Variants in SYN3 observed in about 807,000 individuals in gnomAD.
The protein encoded by SYN3 is synapsin-3.
In SYN3, 35 loss-of-function variants were observed where a neutral mutation model predicts 65.8. The observed-to-expected ratio is 0.53, with a 90% CI of 0.41 to 0.70. The LOEUF is 0.70. SYN3 is among the 30% of genes least tolerant of loss of function. The probability of loss-of-function intolerance (pLI) is 0.00; values close to 1 mark genes in which losing one functional copy is unlikely to be tolerated. For missense variants in SYN3, 680 were observed against 749.0 expected (o/e 0.91, Z 1.08); for synonymous variants, 270 against 292.9 (o/e 0.92, Z 0.80).
intron 12 of SYN3, among the ~76,000 whole-genome samples, chr22:32,522,249 C>T (rs752378768): frequency 6.6e-6 from 1 of 152,126 alleles, no homozygotes; most frequent in Admixed American, 6.5e-5. Flanking sequence ...TTAATCTGAG[C>T]GTTAATTCAC....
At chr22:32,643,709 G>C (rs1038744464) in intron 6 of SYN3, among the ~76,000 whole-genome samples, 2 of 151,984 alleles carry the variant, frequency 1.3e-5, no homozygotes, top group African/African-American at 4.8e-5. Context: ...ATTTGACCTT[G>C]AGTTTAGCCT....
intron 6 of SYN3, among the ~76,000 whole-genome samples, chr22:32,707,764 G>A (rs1303588418): frequency 6.6e-6 from 1 of 152,136 alleles, no homozygotes; most frequent in Non-Finnish European, 1.5e-5. Flanking sequence ...TCTAGACAAT[G>A]CCTTAAGCCC....
At chr22:32,569,571 C>CTCTATATATATATA (rs1205661126) in intron 7 of SYN3, among the ~76,000 whole-genome samples, 1 of 90,930 alleles carries the variant, frequency 1.1e-5, no homozygotes, top group African/African-American at 3.7e-5. Flanking sequence ...CTCTCTCTCT[C>CTCTATATATATATA]TATATATATA....
chr22:33,040,141 T>C (rs2053936664), intron 1 of SYN3, among the ~76,000 whole-genome samples: 1 of 113,550 alleles, frequency 8.8e-6, no homozygotes, highest in Admixed American at 8.5e-5. Context: ...TTTTTTGTAT[T>C]TTTAATATAT....
At chr22:32,569,537 ATCTCTCTCTCTCTCTCTCTCTC>A (rs142418236) in intron 7 of SYN3, among the ~76,000 whole-genome samples, 1 of 113,508 alleles carries the variant, frequency 8.8e-6, no homozygotes, top group South Asian at 3.1e-4. Flanking sequence ...AAATCAATCA[ATCTCTCTCTCTCTCTCTCTCTC>A]TCTCTCTCTC....
chr22:32,619,339 T>C (rs1418892642), intron 6 of SYN3, among the ~76,000 whole-genome samples: 1 of 152,248 alleles, frequency 6.6e-6, no homozygotes, highest in Non-Finnish European at 1.5e-5. Context: ...GTTCATAGCC[T>C]GCTAATAAAT....
At position 32,803,127 on chromosome 22, in the gene SYN3, C is replaced by T. The variant is rs1005351390; in HGVS notation, c.711+61788G>A. ...CCTCCTTTCCAGCCCATAAAGCGTG[C>T]AAGTCCAGTGGCTCTGCTGGGAGAG... On this transcript the variant is annotated intron_variant, in intron 6 of 13. Coordinates refer to ENST00000358763, the MANE Select transcript of SYN3 (RefSeq NM_003490.4). 4.6e-5 allele frequency among the ~76,000 whole-genome samples: 7 copies of T among 152,278 alleles called. No homozygotes were observed. In the East Asian group the frequency reaches 5.8e-4, roughly 13 times the overall value.
intron 6 of SYN3, among the ~76,000 whole-genome samples, chr22:32,808,398 T>C (rs963148675): frequency 6.6e-6 from 1 of 152,128 alleles, no homozygotes; most frequent in Non-Finnish European, 1.5e-5. Flanking sequence ...AGGAGGAGGA[T>C]GGACTGCCGA....
chr22:32,767,694 C>A (rs2045663539), intron 6 of SYN3, among the ~76,000 whole-genome samples: 3 of 152,068 alleles, frequency 2.0e-5, no homozygotes, highest in African/African-American at 7.2e-5. Flanking sequence ...CTTTTATTTT[C>A]TTTGTAAGTA....
chr22:32,792,107 T>G (rs186800198), intron 6 of SYN3, among the ~76,000 whole-genome samples: 41 of 152,312 alleles, frequency 2.7e-4, no homozygotes, highest in Admixed American at 2.7e-3. Flanking sequence ...CCATGCATCT[T>G]ATTCAGCTTA....
chr22:33,047,167 G>A (rs1237229088), intron 1 of SYN3, among the ~76,000 whole-genome samples: 1 of 152,062 alleles, frequency 6.6e-6, no homozygotes, highest in Admixed American at 6.5e-5. Context: ...TCATTACTAA[G>A]TGGCATCATA....
At chr22:32,976,997 G>C (rs241727) in intron 3 of SYN3, among the ~76,000 whole-genome samples, 47,068 of 147,774 alleles carry the variant, frequency 0.32, 8,084 homozygotes, top group East Asian at 0.74. Flanking sequence ...AGATTCCTGG[G>C]GGGGGGGTTG....
At chr22:32,774,110 A>G (rs1397474750) in intron 6 of SYN3, among the ~76,000 whole-genome samples, 1 of 152,140 alleles carries the variant, frequency 6.6e-6, no homozygotes, top group Non-Finnish European at 1.5e-5. Context: ...TGGGATAGCC[A>G]TGAACGGATC....
intron 2 of SYN3, among the ~76,000 whole-genome samples, chr22:32,990,786 G>A (rs958182890): frequency 1.2e-4 from 18 of 152,254 alleles, no homozygotes; most frequent in African/African-American, 3.9e-4. Context: ...GGTGACTCAC[G>A]CCTGTAATCC....
At chr22:32,628,719 G>A (rs1291659625) in intron 6 of SYN3, among the ~76,000 whole-genome samples, 1 of 151,946 alleles carries the variant, frequency 6.6e-6, no homozygotes, top group African/African-American at 2.4e-5. Context: ...TCGCACTCCA[G>A]CCTGGGGCAC....
chr22:32,600,282 C>T (rs1197224606), intron 6 of SYN3, among the ~76,000 whole-genome samples: 4 of 152,172 alleles, frequency 2.6e-5, no homozygotes, highest in Non-Finnish European at 4.4e-5. Flanking sequence ...ATGCGCAATT[C>T]ACGACAGGGT....
intron 6 of SYN3, among the ~76,000 whole-genome samples, chr22:32,644,469 G>A (rs901797133): frequency 2.6e-5 from 4 of 152,036 alleles, no homozygotes; most frequent in Non-Finnish European, 4.4e-5. Context: ...TGAGTGTCAG[G>A]GGCCCTGGGA....
chr22:32,770,340 T>C (rs1012208399), intron 6 of SYN3, among the ~76,000 whole-genome samples: 14 of 152,196 alleles, frequency 9.2e-5, no homozygotes, highest in Non-Finnish European at 1.6e-4. Context: ...GCCACTCTTC[T>C]GCTCAATGCT....
chr22:33,036,071 C>G lies in SYN3; in HGVS notation c.-163+22221G>C, dbSNP rs1365452183. ...ATGTAAAATGGAGATTTACCGGGCA[C>G]TAAGGAAAGTCTCACAAGAGTATAA... On this transcript the variant is annotated intron_variant, in intron 1 of 13. Coordinates refer to ENST00000358763, the MANE Select transcript of SYN3 (RefSeq NM_003490.4). 2.0e-5 allele frequency among the ~76,000 whole-genome samples: 3 copies of G among 152,140 alleles called. No homozygotes were observed. The South Asian group carries it at 6.2e-4, about 32-fold the overall frequency.
Sources: allele counts gnomAD v4.1 joint callset (sites outside exome capture counted in the v4.1 genomes callset), GRCh38; gene constraint gnomAD v4.1.1; transcripts MANE v1.5; gene names NCBI Gene and HGNC (gene_info 2026-07-23, HGNC 2026-07-21).